Variants in TPCN1 observed in about 807,000 individuals in gnomAD.
TPCN1 encodes the protein two pore segment channel 1.
A neutral mutation model predicts 108.8 loss-of-function variants in TPCN1; 52 were observed. The observed-to-expected ratio is 0.48, with a 90% CI of 0.38 to 0.60. The LOEUF (loss-of-function observed/expected upper bound fraction) is 0.60, where lower values mean the gene tolerates loss of function less well. Ranked by LOEUF, TPCN1 falls within the 20% of genes least tolerant of loss-of-function variation. TPCN1 has a pLI of 0.00. For synonymous variants in TPCN1, 446 were observed against 433.7 expected, an observed-to-expected ratio of 1.03 and a Z score of -0.35; for missense variants, 806 against 1,072.8, an observed-to-expected ratio of 0.75 and a Z score of 3.47.
At chr12:113,240,046 C>G (rs992404760) in intron 2 of TPCN1, among the ~76,000 whole-genome samples, 1 of 152,030 alleles carries the variant, frequency 6.6e-6, no homozygotes, top group Admixed American at 6.6e-5. Flanking sequence ...TCTCTTCTTG[C>G]GGGCTCGGCT....
At position 113,288,703 on chromosome 12, in the gene TPCN1, G is replaced by T. The variant is rs1055719619; in HGVS notation, c.1707-55G>T. ...CGGGTCCGAGGAGGCCGGGGCTGCA[G>T]AGGAGCCGTTCCCTCCTGCCGGCCC... On this transcript the variant is annotated intron_variant, in intron 20 of 27. Coordinates refer to ENST00000335509, the MANE Select transcript of TPCN1 (RefSeq NM_017901.6). The surrounding 1 kb of genome is among the most constrained non-coding windows in gnomAD (Gnocchi z 4.8). 6.2e-6 allele frequency: 10 copies of T among 1,601,878 alleles called. No homozygotes were observed. The Middle Eastern group carries it at 5.0e-4, about 81-fold the overall frequency.
At position 113,266,493 on chromosome 12, in the gene TPCN1, G is replaced by A; in HGVS notation, c.414+137G>A. On this transcript the variant is annotated intron_variant, in intron 4 of 27. Transcript: ENST00000335509. The surrounding 1 kb of genome is among the most constrained non-coding windows in gnomAD (Gnocchi z 4.2). ...AACAGAGAGATACGAGGTGGTCATAGAGGCCTTGGGAGCGGAAATGCCTGG... is the reference window on the plus strand; with the variant it reads ...AACAGAGAGATACGAGGTGGTCATAAAGGCCTTGGGAGCGGAAATGCCTGG... The A allele has an allele frequency of 1.7e-6, 2 of 1,175,000 alleles. No homozygotes were observed. Among genetic ancestry groups the A allele is most frequent in the Non-Finnish European group, 2.4e-6 (2 of 833,890 alleles). 72.8% of individuals were successfully genotyped at this position (1,175,000 alleles called of 1,614,324 possible). A position where few individuals can be genotyped will look rare whatever the true frequency, so the allele number is the denominator to read the frequency against.
At chr12:113,243,863 G>A (rs1351080181) in intron 2 of TPCN1, among the ~76,000 whole-genome samples, 1 of 152,180 alleles carries the variant, frequency 6.6e-6, no homozygotes, top group Non-Finnish European at 1.5e-5. Context: ...CATGTGGACG[G>A]TTAGGAAGTG....
At chr12:113,254,898 C>G (rs1007776854) in intron 2 of TPCN1, among the ~76,000 whole-genome samples, 17 of 152,180 alleles carry the variant, frequency 1.1e-4, no homozygotes, top group African/African-American at 3.9e-4. Context: ...GGAATTTCCT[C>G]AGACTGATAA....
Position 113,296,156 on chromosome 12 carries a change from G to C in TPCN1, c.*80G>C. On this transcript the variant is annotated 3_prime_UTR_variant, in exon 28 of 28. Coordinates refer to ENST00000335509, the MANE Select transcript of TPCN1 (RefSeq NM_017901.6). Reference sequence around the variant, plus strand: ...TGCGATGTACGGAACTGCGGTGTGTGTACACATACTCACGTATATGCACAT... The same window carrying C: ...TGCGATGTACGGAACTGCGGTGTGTCTACACATACTCACGTATATGCACAT... 1 of 1,552,304 alleles carries C rather than the reference G, an allele frequency of 6.4e-7. No individual in the cohort carries two copies. Among genetic ancestry groups the C allele is most frequent in the East Asian group, 2.3e-5 (1 of 43,952 alleles).
At chr12:113,234,049 A>G (rs540525679) in intron 2 of TPCN1, among the ~76,000 whole-genome samples, 30 of 151,992 alleles carry the variant, frequency 2.0e-4, no homozygotes, top group Non-Finnish European at 3.2e-4. Flanking sequence ...CTCCAAGGCA[A>G]TTATTCTAAA....
intron 2 of TPCN1, among the ~76,000 whole-genome samples, chr12:113,256,050 T>G (rs560553013): frequency 3.5e-4 from 53 of 152,288 alleles, no homozygotes; most frequent in African/African-American, 1.2e-3. Context: ...CTTCAACTCC[T>G]GACCTGAAGC....
chr12:113,256,630 C>T (rs934563601), intron 2 of TPCN1, among the ~76,000 whole-genome samples: 1 of 152,148 alleles, frequency 6.6e-6, no homozygotes, highest in Non-Finnish European at 1.5e-5. Flanking sequence ...TAAGGTGATC[C>T]TCTCACCTCA....
In TPCN1 at chr12:113,284,315, C is replaced by G. The variant is rs769856159; in HGVS notation, c.1343-266C>G. ...CTTTTACCTCAATTTGGAATAATCT[C>G]TACATCATAACTGGTATTCATACAG... On this transcript the variant is annotated intron_variant, in intron 15 of 27. Transcript: ENST00000335509. The surrounding 1 kb of genome is among the most constrained non-coding windows in gnomAD (Gnocchi z 4.1). 1.2e-4 allele frequency among the ~76,000 whole-genome samples: 18 copies of G among 152,206 alleles called. No homozygotes were observed. Among genetic ancestry groups the G allele is most frequent in the Non-Finnish European group, 2.2e-4 (15 of 68,034 alleles).
chr12:113,288,673 C>T lies in TPCN1; in HGVS notation c.1707-85C>T. On this transcript the variant is annotated intron_variant, in intron 20 of 27. Coordinates refer to ENST00000335509, the MANE Select transcript of TPCN1 (RefSeq NM_017901.6). This position sits in a 1 kb window ranked among gnomAD's most constrained non-coding sequence, Gnocchi z 4.8. ...ACCAGGGGCATGGCCCTGCAGTCAGCCCCACGGGTCCGAGGAGGCCGGGGC... is the reference window on the plus strand; with the variant it reads ...ACCAGGGGCATGGCCCTGCAGTCAGTCCCACGGGTCCGAGGAGGCCGGGGC... The T allele has an allele frequency of 6.3e-7, 1 of 1,578,020 alleles. No homozygotes were observed. The highest frequency in any genetic ancestry group is 8.6e-7 in the Non-Finnish European group (1 of 1,166,166).
chr12:113,290,133 G>A lies in TPCN1; in HGVS notation c.1802G>A (p.Ser601Asn), dbSNP rs748983271. 5 of 1,591,184 alleles carry A rather than the reference G, an allele frequency of 3.1e-6. No individual in the cohort carries two copies. The highest frequency in any genetic ancestry group is 3.5e-5 in the Admixed American group (2 of 57,420). The change falls in exon 22 of 28, where the codon AGT (serine) becomes AAT (asparagine). Residue 601 changes from serine (S) to asparagine (N), a missense_variant. Physicochemically the swap from Ser to Asn is conservative, Grantham distance 46. Transcript: ENST00000335509. ...CTCCCTTGTGCTCCGGCCAGCACGA[G>A]TACAGTGGCAGATGCCTACCGCTGG... Reference protein sequence around the residue: ...GIVFPNCCNTSTVADAYRWRN... With the variant: ...GIVFPNCCNTNTVADAYRWRN...
intron 2 of TPCN1, among the ~76,000 whole-genome samples, chr12:113,247,054 G>A (rs1055326570): frequency 1.3e-5 from 2 of 152,204 alleles, no homozygotes; most frequent in African/African-American, 4.8e-5. Flanking sequence ...GAGCAGGTGG[G>A]TGTAAACAAC....
Position 113,269,724 on chromosome 12 carries a change from G to T in TPCN1, c.660-33G>T, listed in dbSNP as rs752807745. The T allele has an allele frequency of 6.2e-7, 1 of 1,602,616 alleles. No individual in the cohort carries two copies. The highest frequency in any genetic ancestry group is 8.5e-7 in the Non-Finnish European group (1 of 1,172,518). Reference sequence around the variant, plus strand: ...AGTCCCAGGCAGCCCGCCCCAGCTGGTGCCTCCCCTGAGCTGGCCCATCTC... The same window carrying T: ...AGTCCCAGGCAGCCCGCCCCAGCTGTTGCCTCCCCTGAGCTGGCCCATCTC... On this transcript the variant is annotated intron_variant, in intron 6 of 27. Coordinates refer to ENST00000335509, the MANE Select transcript of TPCN1 (RefSeq NM_017901.6). This position sits in a 1 kb window ranked among gnomAD's most constrained non-coding sequence, Gnocchi z 5.0.
chr12:113,256,629 C>T (rs1361255893), intron 2 of TPCN1, among the ~76,000 whole-genome samples: 1 of 152,136 alleles, frequency 6.6e-6, no homozygotes, highest in Admixed American at 6.6e-5. Flanking sequence ...CTAAGGTGAT[C>T]CTCTCACCTC....
At chr12:113,243,775 A>T (rs1954239146) in intron 2 of TPCN1, among the ~76,000 whole-genome samples, 1 of 134,892 alleles carries the variant, frequency 7.4e-6, no homozygotes, top group Non-Finnish European at 1.7e-5. Flanking sequence ...AAATAAAAAT[A>T]AAAATAAAAT....
chr12:113,287,304 C>T (rs1212048616), intron 19 of TPCN1: 2 of 567,500 alleles, frequency 3.5e-6, no homozygotes, highest in African/African-American at 1.9e-5. Flanking sequence ...GCACCAGGTG[C>T]CTCTGGGCAG....
chr12:113,290,804 G>A (rs1956242450), intron 22 of TPCN1, 148 bp from the exon 23 acceptor site: 13 of 751,522 alleles, frequency 1.7e-5, no homozygotes, highest in Non-Finnish European at 3.1e-5. Flanking sequence ...GCCTTGCCTG[G>A]TCTTTCCTGG....
At chr12:113,242,561 A>G (rs1954188296) in intron 2 of TPCN1, among the ~76,000 whole-genome samples, 1 of 152,178 alleles carries the variant, frequency 6.6e-6, no homozygotes, top group Non-Finnish European at 1.5e-5. Context: ...AGCCCTTTCA[A>G]CCGTGTCTGG....
At chr12:113,280,257 G>A in intron 15 of TPCN1, 62 bp downstream of exon 15, 3 of 1,398,250 alleles carry the variant, frequency 2.1e-6, no homozygotes, top group Non-Finnish European at 3.0e-6. Context: ...TGTTCTAGAA[G>A]CGGGAGAGGC....
Sources: gnomAD v4.1 joint callset for allele counts (sites outside exome capture counted in the v4.1 genomes callset) on GRCh38, gnomAD v4.1.1 for gene constraint, Gnocchi (gnomAD v3.1) non-coding constraint, MANE v1.5 for transcripts, NCBI Gene and HGNC (gene_info 2026-07-23, HGNC 2026-07-21) for gene names.